GHITM: variants seen among roughly 807,000 people sequenced by gnomAD.
GHITM encodes growth hormone inducible transmembrane protein.
In GHITM, 24 loss-of-function variants were observed where a neutral mutation model predicts 38.7. The ratio of observed to expected loss-of-function variants is 0.62; its 90% CI spans 0.45 to 0.87. The LOEUF (loss-of-function observed/expected upper bound fraction) is 0.87, where lower values mean the gene tolerates loss of function less well. Ranked by LOEUF, GHITM falls within the 40% of genes least tolerant of loss-of-function variation. The pLI is 0.00. For synonymous variants in GHITM, 154 were observed against 147.8 expected (o/e 1.04, Z -0.30); for missense variants, 420 against 429.8 (o/e 0.98, Z 0.20).
intron 5 of GHITM, 33 bp from the exon 6 acceptor site, chr10:84,148,697 G>T (rs1225675133): frequency 9.2e-6 from 12 of 1,309,350 alleles, no homozygotes; most frequent in African/African-American, 8.7e-5. Context: ...TTCATATAAA[G>T]ATCAGTTTTT....
intron 7 of GHITM, 98 bp downstream of exon 7, chr10:84,150,341 G>T: frequency 2.0e-6 from 2 of 1,011,064 alleles, no homozygotes; most frequent in South Asian, 2.2e-5. Context: ...TATTTTAAAA[G>T]TTTTTTTAAA....
At chr10:84,144,193 G>A in intron 4 of GHITM, 87 bp downstream of exon 4, 1 of 798,082 alleles carries the variant, frequency 1.3e-6, no homozygotes, top group Non-Finnish European at 2.2e-6. Context: ...CCTATCTTTA[G>A]TCACTTTGGA....
intron 5 of GHITM, among the ~76,000 whole-genome samples, chr10:84,147,942 A>C (rs1223928126): frequency 1.3e-5 from 2 of 152,174 alleles, no homozygotes; most frequent in Non-Finnish European, 2.9e-5. Flanking sequence ...CATTTAGCAA[A>C]TATGGAGTTC....
intron 7 of GHITM, 143 bp from the exon 8 acceptor site, chr10:84,150,566 A>T (rs1841601234): frequency 3.2e-6 from 2 of 626,272 alleles, no homozygotes; most frequent in Middle Eastern, 4.4e-4. Context: ...TAATGCAAAT[A>T]AGATTAGACA....
At chr10:84,147,799 A>C (rs1344065198) in intron 5 of GHITM, among the ~76,000 whole-genome samples, 1 of 152,200 alleles carries the variant, frequency 6.6e-6, no homozygotes, top group African/African-American at 2.4e-5. Flanking sequence ...TAACACTGGA[A>C]ATCTAAGATA....
intron 5 of GHITM, 34 bp downstream of exon 5, chr10:84,145,050 T>C: frequency 6.4e-7 from 1 of 1,550,638 alleles, no homozygotes; most frequent in Non-Finnish European, 8.8e-7. Context: ...CTTTTTCATC[T>C]AAAGATCAAA....
intron 5 of GHITM, among the ~76,000 whole-genome samples, chr10:84,147,243 G>A (rs776606729): frequency 2.6e-5 from 4 of 152,138 alleles, no homozygotes; most frequent in Non-Finnish European, 2.9e-5. Context: ...AGTGGAGCTC[G>A]ATATGCTTTT....
chr10:84,148,622 A>G, intron 5 of GHITM, 108 bp from the exon 6 acceptor site: 1 of 708,610 alleles, frequency 1.4e-6, no homozygotes, highest in Non-Finnish European at 2.5e-6. Context: ...TATCTTTAAT[A>G]TTTTTACAAC....
intron 5 of GHITM, among the ~76,000 whole-genome samples, chr10:84,145,935 C>T (rs912260540): frequency 6.6e-6 from 1 of 152,162 alleles, no homozygotes; most frequent in East Asian, 1.9e-4. Flanking sequence ...GTGGCTCACA[C>T]CTGTAATCTC....
intron 2 of GHITM, 68 bp from the exon 3 acceptor site, chr10:84,142,587 T>G: frequency 1.0e-6 from 1 of 974,100 alleles, no homozygotes; most frequent in Non-Finnish European, 1.6e-6. Context: ...AAAGGGATCT[T>G]GCATTTTATT....
intron 1 of GHITM, chr10:84,139,904 A>C (rs1266346394): frequency 6.6e-6 from 1 of 152,370 alleles, no homozygotes; most frequent in Admixed American, 6.6e-5. Flanking sequence ...GCAGGGGCAG[A>C]GGTGTTGTGG....
chr10:84,144,543 G>C (rs572814732), intron 4 of GHITM, among the ~76,000 whole-genome samples: 1 of 152,132 alleles, frequency 6.6e-6, no homozygotes, highest in African/African-American at 2.4e-5. Flanking sequence ...TAGTAGAGAC[G>C]GGGTTTCACC....
At chr10:84,149,267 T>C (rs893110396) in intron 6 of GHITM, among the ~76,000 whole-genome samples, 4 of 152,240 alleles carry the variant, frequency 2.6e-5, no homozygotes, top group African/African-American at 9.6e-5. Flanking sequence ...TGTAGAAATT[T>C]CACCCACTGT....
Position 84,152,409 on chromosome 10 carries a change from C to A in GHITM, c.*61C>A. On this transcript the variant is annotated 3_prime_UTR_variant, in exon 9 of 9. Transcript: ENST00000372134. Reference sequence around the variant, plus strand: ...TATCTTGTTTAATGGGGCAGATATGCATTAAATAGTTTGTACAAGCAGCTT... The same window carrying A: ...TATCTTGTTTAATGGGGCAGATATGAATTAAATAGTTTGTACAAGCAGCTT... 2.3e-6 allele frequency: 2 copies of A among 865,628 alleles called. No homozygotes were observed. The highest frequency in any genetic ancestry group is 3.8e-6 in the Non-Finnish European group (2 of 525,484). 53.6% of individuals were successfully genotyped at this position (865,628 alleles called of 1,614,324 possible).
In GHITM at chr10:84,148,785, T is replaced by C. The variant is rs530621341; in HGVS notation, c.539T>C (p.Ile180Thr). Reference protein sequence around the residue: ...MVGAGMLVRSIPYDQSPGPKH... With the variant: ...MVGAGMLVRSTPYDQSPGPKH... The stretch of plus-strand genomic sequence containing the variant: ...GGAGCTGGAATGCTGGTACGATCAA[T>C]ACCATATGACCAGAGCCCAGGCCCA... Residue 180 changes from isoleucine to threonine, a missense_variant, in exon 6 of 9, where the codon ATA becomes ACA. Coordinates refer to ENST00000372134, the MANE Select transcript of GHITM (RefSeq NM_014394.3). 1 of 1,613,536 alleles carries C rather than the reference T, an allele frequency of 6.2e-7. No homozygotes were observed. Among genetic ancestry groups the C allele is most frequent in the African/African-American group, 1.3e-5 (1 of 75,052 alleles).
intron 6 of GHITM, among the ~76,000 whole-genome samples, chr10:84,149,366 T>C (rs891848289): frequency 6.6e-5 from 10 of 152,354 alleles, no homozygotes; most frequent in African/African-American, 2.2e-4. Context: ...AGAAATGTTA[T>C]TCTTTAAGCT....
At position 84,148,837 on chromosome 10, in the gene GHITM, T is replaced by A; in HGVS notation, c.591T>A (p.Ser197=). The part of the protein sequence containing the change: ...GPKHLAWLLH[S]GVMGAVVAPL... Reference sequence around the variant, plus strand: ...AGCATCTTGCTTGGTTGCTACATTCTGGTATGTTCTGTTTTAAATTGTTAC... The same window carrying A: ...AGCATCTTGCTTGGTTGCTACATTCAGGTATGTTCTGTTTTAAATTGTTAC... Residue 197 remains serine, a splice_region_variant and synonymous_variant, in exon 6 of 9, where the codon TCT becomes TCA. Transcript: ENST00000372134. 1 of 1,574,090 alleles carries A rather than the reference T, an allele frequency of 6.4e-7. No individual in the cohort carries two copies. Among genetic ancestry groups the A allele is most frequent in the African/African-American group, 1.3e-5 (1 of 74,232 alleles).
intron 2 of GHITM, among the ~76,000 whole-genome samples, chr10:84,141,982 A>G (rs570160527): frequency 2.0e-5 from 3 of 152,242 alleles, no homozygotes; most frequent in Non-Finnish European, 4.4e-5. Context: ...CCAATAGCTT[A>G]TTAATAAATT....
In GHITM at chr10:84,148,076, G is replaced by A. The variant is rs989971853; in HGVS notation, c.484-654G>A. Among the ~76,000 whole-genome samples, 11 of 151,858 alleles carry A rather than the reference G, an allele frequency of 7.2e-5. 1 individual carries two copies. Among genetic ancestry groups the A allele is most frequent in the Non-Finnish European group, 1.6e-4 (11 of 67,980 alleles). On this transcript the variant is annotated intron_variant, in intron 5 of 8. Coordinates refer to ENST00000372134, the MANE Select transcript of GHITM (RefSeq NM_014394.3). ...TTTAATTAAGAGTTAATTATCTTGGGATCCCTAAAGGGTTTTTGTTTCACC... is the reference window on the plus strand; with the variant it reads ...TTTAATTAAGAGTTAATTATCTTGGAATCCCTAAAGGGTTTTTGTTTCACC...
Sources: allele counts gnomAD v4.1 joint callset (sites outside exome capture counted in the v4.1 genomes callset), GRCh38; gene constraint gnomAD v4.1.1; transcripts MANE v1.5; gene names NCBI Gene and HGNC (gene_info 2026-07-23, HGNC 2026-07-21).